The following ABHD12 variants were observed in gnomAD, a reference collection of about 807,000 sequenced individuals.
The protein encoded by ABHD12 is abhydrolase domain containing 12, lysophospholipase, also known as lysophosphatidylserine lipase ABHD12.
Under a neutral mutation model 58.3 loss-of-function variants are expected in ABHD12, and 43 were observed. The observed-to-expected ratio is 0.74, with a 90% CI of 0.58 to 0.95. ABHD12 has a LOEUF of 0.95. Ranked by LOEUF, ABHD12 falls within the 40% of genes least tolerant of loss-of-function variation. ABHD12 has a pLI of 0.00. For synonymous variants in ABHD12, 219 were observed against 211.2 expected, an observed-to-expected ratio of 1.04 and a Z score of -0.32; for missense variants, 539 against 537.2, an observed-to-expected ratio of 1.00 and a Z score of -0.03.
At chr20:25,302,423 C>T in intron 11 of ABHD12, 77 bp from the exon 12 acceptor site, 1 of 1,585,548 alleles carries the variant, frequency 6.3e-7, no homozygotes, top group Non-Finnish European at 8.6e-7. Flanking sequence ...AGCTTGGCAG[C>T]CTCCCCTTCA....
chr20:25,348,446 TA>T (rs59369733), intron 1 of ABHD12, among the ~76,000 whole-genome samples: 31,001 of 124,156 alleles, frequency 0.25, 3,299 homozygotes, highest in East Asian at 0.52. Flanking sequence ...AACCATTTGG[TA>T]AAAAAAAAAA....
chr20:25,386,088 G>A (rs553665031), intron 1 of ABHD12, among the ~76,000 whole-genome samples: 4 of 151,466 alleles, frequency 2.6e-5, no homozygotes, highest in Admixed American at 6.6e-5. Context: ...GTGATGCAGC[G>A]AGACTCCGTC....
chr20:25,316,662 TA>T (rs1183206725), intron 5 of ABHD12, among the ~76,000 whole-genome samples: 2 of 151,560 alleles, frequency 1.3e-5, no homozygotes, highest in African/African-American at 2.4e-5. Context: ...AAGGCAGTGT[TA>T]AAAAGCTCAA....
At chr20:25,380,497 C>T (rs2090009986) in intron 1 of ABHD12, among the ~76,000 whole-genome samples, 1 of 152,114 alleles carries the variant, frequency 6.6e-6, no homozygotes, top group Non-Finnish European at 1.5e-5. Flanking sequence ...TGTCTTTCCC[C>T]CTTTACTGCA....
intron 1 of ABHD12, among the ~76,000 whole-genome samples, chr20:25,365,308 T>C (rs1288930401): frequency 1.3e-5 from 2 of 152,224 alleles, no homozygotes; most frequent in Non-Finnish European, 2.9e-5. Context: ...AGTGTTTCCT[T>C]ACACAAATAC....
intron 1 of ABHD12, among the ~76,000 whole-genome samples, chr20:25,360,102 T>C (rs531531838): frequency 2.6e-5 from 4 of 152,192 alleles, no homozygotes; most frequent in Admixed American, 6.5e-5. Flanking sequence ...CTTTACACTT[T>C]ACATTCAGTC....
intron 1 of ABHD12, among the ~76,000 whole-genome samples, chr20:25,356,926 G>A (rs1344186032): frequency 6.6e-6 from 1 of 152,184 alleles, no homozygotes; most frequent in Non-Finnish European, 1.5e-5. Context: ...ACCTGGGACA[G>A]GAGCTCAAGG....
intron 1 of ABHD12, among the ~76,000 whole-genome samples, chr20:25,374,955 T>C (rs1340766264): frequency 6.6e-6 from 1 of 152,200 alleles, no homozygotes; most frequent in Non-Finnish European, 1.5e-5. Context: ...AAAATTTGTA[T>C]GTTGAAGTCT....
intron 2 of ABHD12, among the ~76,000 whole-genome samples, chr20:25,327,193 G>A (rs1204176969): frequency 6.6e-6 from 1 of 152,234 alleles, no homozygotes; most frequent in Non-Finnish European, 1.5e-5. Context: ...GGGGTGCCAG[G>A]CGCGGTGGCG....
chr20:25,300,756 G>C lies in ABHD12; in HGVS notation c.*89C>G. The C allele has an allele frequency of 6.2e-7, 1 of 1,607,084 alleles. No homozygotes were observed. Among genetic ancestry groups the C allele is most frequent in the Non-Finnish European group, 8.5e-7 (1 of 1,177,634 alleles). ...GGGCTCCTGAGCATTGCAGGTGCCG[G>C]CCCCCCGGGGCTTCAGGATACCGGG... On this transcript the variant is annotated 3_prime_UTR_variant, in exon 13 of 13. Transcript: ENST00000339157.
chr20:25,309,542 C>G lies in ABHD12; in HGVS notation c.653G>C (p.Arg218Pro), dbSNP rs1182010524. Residue 218 changes from arginine (R) to proline (P), a missense_variant, in exon 7 of 13, where the codon CGG (arginine) becomes CCG (proline). Transcript: ENST00000339157. ...WGDSVGTPSE[R>P]GMTYDALHVF... ...GTGGAGTGCGTCATAGGTCATGCCC[C>G]GCTCAGATGGCGTTCCCACTGAGTC... The G allele has an allele frequency of 1.9e-6, 3 of 1,614,054 alleles. No individual in the cohort carries two copies. The highest frequency in any genetic ancestry group is 1.7e-5 in the Admixed American group (1 of 60,008).
At chr20:25,322,048 C>T (rs1054845890) in intron 3 of ABHD12, among the ~76,000 whole-genome samples, 3 of 152,114 alleles carry the variant, frequency 2.0e-5, no homozygotes, top group East Asian at 1.9e-4. Context: ...GTTATGGCTA[C>T]TGAAAAATAA....
intron 1 of ABHD12, among the ~76,000 whole-genome samples, chr20:25,357,510 C>T (rs570951369): frequency 6.6e-6 from 1 of 152,292 alleles, no homozygotes; most frequent in South Asian, 2.1e-4. Context: ...TCGTGAACCA[C>T]TTTCTCATTA....
chr20:25,304,911 CT>C (rs1204879588), intron 10 of ABHD12, among the ~76,000 whole-genome samples: 1 of 150,618 alleles, frequency 6.6e-6, no homozygotes. Context: ...TCAGATAATT[CT>C]TTTTTTCTTT....
chr20:25,370,825 T>A (rs2089891165), intron 1 of ABHD12, among the ~76,000 whole-genome samples: 1 of 151,736 alleles, frequency 6.6e-6, no homozygotes, highest in Non-Finnish European at 1.5e-5. Flanking sequence ...TTATTTTTAT[T>A]AATTCTTCTT....
intron 2 of ABHD12, among the ~76,000 whole-genome samples, chr20:25,332,446 C>G (rs1312651385): frequency 4.4e-5 from 6 of 137,628 alleles, no homozygotes; most frequent in African/African-American, 1.5e-4. Context: ...CAGCTCTGCA[C>G]CAAGAAGACC....
intron 1 of ABHD12, among the ~76,000 whole-genome samples, chr20:25,348,705 G>T (rs1458401187): frequency 6.6e-6 from 1 of 152,102 alleles, no homozygotes; most frequent in African/African-American, 2.4e-5. Flanking sequence ...TCCAAAGGAG[G>T]TATTAGACAA....
chr20:25,301,314 T>C (rs2088631248), intron 12 of ABHD12, among the ~76,000 whole-genome samples: 1 of 152,212 alleles, frequency 6.6e-6, no homozygotes. Flanking sequence ...AGCAGAAGTT[T>C]GCAGTAGAAT....
chr20:25,335,187 CA>C (rs1348409287), intron 2 of ABHD12, among the ~76,000 whole-genome samples: 1 of 152,132 alleles, frequency 6.6e-6, no homozygotes, highest in Admixed American at 6.5e-5. Flanking sequence ...GTTATGTAGC[CA>C]AAAAAACACA....
Sources: allele counts gnomAD v4.1 joint callset (sites outside exome capture counted in the v4.1 genomes callset), GRCh38; gene constraint gnomAD v4.1.1; transcripts MANE v1.5; gene names NCBI Gene and HGNC (gene_info 2026-07-23, HGNC 2026-07-21).